MARCHF10: variants seen among roughly 807,000 people sequenced by gnomAD.
MARCHF10 encodes probable E3 ubiquitin-protein ligase MARCHF10.
A neutral mutation model predicts 76.2 loss-of-function variants in MARCHF10; 64 were observed. The observed-to-expected ratio is 0.84, with a 90% CI of 0.69 to 1.03. The LOEUF (loss-of-function observed/expected upper bound fraction) is 1.03, where lower values mean the gene tolerates loss of function less well. MARCHF10 is among the 50% of genes least tolerant of loss of function. The pLI is 0.00. For synonymous variants in MARCHF10, 340 were observed against 357.5 expected, an observed-to-expected ratio of 0.95 and a Z score of 0.55; for missense variants, 875 against 958.0, an observed-to-expected ratio of 0.91 and a Z score of 1.14.
intron 3 of MARCHF10, among the ~76,000 whole-genome samples, chr17:62,780,401 A>G (rs1279979034): frequency 6.6e-6 from 1 of 152,168 alleles, no homozygotes; most frequent in Non-Finnish European, 1.5e-5. Context: ...CTTATGAACA[A>G]AACAATTACA....
Position 62,788,617 on chromosome 17 carries a change from TA to T in MARCHF10, c.91-19del, listed in dbSNP as rs773081640. The T allele has an allele frequency of 3.1e-6, 5 of 1,613,480 alleles. No individual in the cohort carries two copies. Among genetic ancestry groups the T allele is most frequent in the Non-Finnish European group, 4.2e-6 (5 of 1,179,920 alleles). On this transcript the variant is annotated intron_variant, in intron 2 of 10. Coordinates refer to ENST00000311269, the MANE Select transcript of MARCHF10 (RefSeq NM_152598.4). ...AGACAAGCCTGAAGAACAACAACAA[TA>T]AAATGTTTGTCTTAGGACCATGGCA... is the stretch of plus-strand genomic sequence containing the variant.
chr17:62,747,431 C>T (rs2091745557), intron 4 of MARCHF10, among the ~76,000 whole-genome samples: 1 of 152,204 alleles, frequency 6.6e-6, no homozygotes, highest in African/African-American at 2.4e-5. Flanking sequence ...AGCTGAACAA[C>T]TGGAGATTGT....
chr17:62,737,151 G>T lies in MARCHF10; in HGVS notation c.717C>A (p.Phe239Leu), dbSNP rs2091307849. Reference sequence around the variant, plus strand: ...ATACTTGAGGACTATTTTTTCCTTGGAAGGCCTGGGACAGGGCTGGATGCA... The same window carrying T: ...ATACTTGAGGACTATTTTTTCCTTGTAAGGCCTGGGACAGGGCTGGATGCA... Reference protein sequence around the residue: ...SELHPALSQAFQGKNSPQVLS... With the variant: ...SELHPALSQALQGKNSPQVLS... The change falls in exon 6 of 11, where the codon TTC becomes TTA. Residue 239 changes from phenylalanine to leucine, a missense_variant. Coordinates refer to ENST00000311269, the MANE Select transcript of MARCHF10 (RefSeq NM_152598.4). The T allele has an allele frequency of 2.5e-6, 4 of 1,614,008 alleles. No individual in the cohort carries two copies. The East Asian group carries it at 6.7e-5, about 27-fold the overall frequency.
intron 4 of MARCHF10, among the ~76,000 whole-genome samples, chr17:62,754,161 CT>C (rs1310266717): frequency 8.5e-5 from 13 of 152,186 alleles, no homozygotes; most frequent in African/African-American, 2.9e-4. Flanking sequence ...CAACCTCCTC[CT>C]CCCGGGTTCA....
At position 62,724,977 on chromosome 17, in the gene MARCHF10, C is replaced by G; in HGVS notation, c.2065G>C (p.Glu689Gln). Residue 689 changes from glutamate to glutamine, a missense_variant, in exon 7 of 11, where the codon GAG (glutamate) becomes CAG (glutamine). Coordinates refer to ENST00000311269, the MANE Select transcript of MARCHF10 (RefSeq NM_152598.4). ...CVGSLQFVHQ[E>Q]CLKKWLKVKI... ...ACTTTCAGCCACTTTTTCAGGCACT[C>G]TTGATGAACAAACTGCAGGCTTCCC... 6.2e-7 allele frequency: 1 copy of G among 1,612,312 alleles called. No homozygotes were observed. The highest frequency in any genetic ancestry group is 8.5e-7 in the Non-Finnish European group (1 of 1,179,392).
intron 10 of MARCHF10, chr17:62,705,236 G>GA: frequency 7.5e-7 from 1 of 1,335,496 alleles, no homozygotes; most frequent in Non-Finnish European, 9.6e-7. Flanking sequence ...CTGGACGCTG[G>GA]AGAATCCCAG....
intron 2 of MARCHF10, among the ~76,000 whole-genome samples, chr17:62,801,281 C>T (rs1002760878): frequency 6.6e-6 from 1 of 152,078 alleles, no homozygotes; most frequent in Non-Finnish European, 1.5e-5. Context: ...GCCTCAGCCT[C>T]CCGAGTAGCT....
intron 8 of MARCHF10, among the ~76,000 whole-genome samples, chr17:62,721,901 T>G (rs2090506485): frequency 6.6e-6 from 1 of 152,162 alleles, no homozygotes; most frequent in East Asian, 1.9e-4. Flanking sequence ...GCCAGAATTT[T>G]TTGGTATTTT....
At chr17:62,756,310 G>C (rs1347219273) in intron 4 of MARCHF10, among the ~76,000 whole-genome samples, 1 of 152,116 alleles carries the variant, frequency 6.6e-6, no homozygotes, top group East Asian at 1.9e-4. Flanking sequence ...GCCAGGCATA[G>C]TGGCGTGTGC....
At position 62,736,742 on chromosome 17, in the gene MARCHF10, C is replaced by A; in HGVS notation, c.1126G>T (p.Asp376Tyr). The change falls in exon 6 of 11, where the codon GAC (aspartate) becomes TAC (tyrosine). Residue 376 changes from aspartate to tyrosine, a missense_variant. Transcript: ENST00000311269. ...GATTCCCTATCAGGCAGCCCGGGGT[C>A]TTGGGACAACCTTTGCCCAGCAGAA... Reference protein sequence around the residue: ...RPSAGQRLSQDPGLPDRESAT... With the variant: ...RPSAGQRLSQYPGLPDRESAT... 1 of 1,613,854 alleles carries A rather than the reference C, an allele frequency of 6.2e-7. No homozygotes were observed. Among genetic ancestry groups the A allele is most frequent in the Non-Finnish European group, 8.5e-7 (1 of 1,179,726 alleles).
rs966258829 is a variant in MARCHF10, at chr17:62,765,224, C to T, written c.211-5218G>A. 1.8e-4 allele frequency among the ~76,000 whole-genome samples: 27 copies of T among 151,970 alleles called. 1 individual carries two copies. The highest frequency in any genetic ancestry group is 1.5e-3 in the Admixed American group (23 of 15,262). On this transcript the variant is annotated intron_variant, in intron 3 of 10. Coordinates refer to ENST00000311269, the MANE Select transcript of MARCHF10 (RefSeq NM_152598.4). ...AAAATTAGCTGGGCGTAGTGGCATG[C>T]GCCTGTAATTCCAGCTACTCGGGAA... is the stretch of plus-strand genomic sequence containing the variant.
intron 3 of MARCHF10, among the ~76,000 whole-genome samples, 157 bp from the exon 4 acceptor site, chr17:62,760,163 T>C (rs1198958946): frequency 6.6e-6 from 1 of 151,834 alleles, no homozygotes; most frequent in Non-Finnish European, 1.5e-5. Context: ...GAGATTCAGA[T>C]GGACTGGGCA....
chr17:62,761,415 C>A (rs1034116823), intron 3 of MARCHF10, among the ~76,000 whole-genome samples: 1 of 151,986 alleles, frequency 6.6e-6, no homozygotes, highest in African/African-American at 2.4e-5. Context: ...TAGGTCATTT[C>A]TTTTTTCTTT....
At chr17:62,775,890 C>T (rs1355203559) in intron 3 of MARCHF10, among the ~76,000 whole-genome samples, 1 of 152,038 alleles carries the variant, frequency 6.6e-6, no homozygotes, top group Non-Finnish European at 1.5e-5. Flanking sequence ...GATCATAGCT[C>T]ACTGCAGCCT....
At position 62,722,575 on chromosome 17, in the gene MARCHF10, C is replaced by G. The variant is rs767244216; in HGVS notation, c.2127G>C (p.Lys709Asn). The stretch of plus-strand genomic sequence containing the variant: ...GGCCTTGCTTACACATCTCACAGGT[C>G]TTCACGGCACCAAGATCTGCTCCTT... ...ITSGADLGAV[K>N]TCEMCKQGLL... is the part of the protein sequence containing the mutation. The change falls in exon 8 of 11, where the codon AAG (lysine) becomes AAC (asparagine). Residue 709 changes from lysine (K) to asparagine (N), a missense_variant. Transcript: ENST00000311269. 21 of 1,613,562 alleles carry G rather than the reference C, an allele frequency of 1.3e-5. No individual in the cohort carries two copies. The highest frequency in any genetic ancestry group is 2.7e-5 in the African/African-American group (2 of 74,868).
rs764588556 is a variant in MARCHF10 at position 62,711,198 on chromosome 17, C to T, written c.2328+33G>A. The T allele has an allele frequency of 1.3e-6, 2 of 1,588,708 alleles. No individual in the cohort carries two copies. The highest frequency in any genetic ancestry group is 2.2e-5 in the South Asian group (2 of 90,500). ...AGCACTGCAGGGTTTTCAGGGCTGC[C>T]ACCGGACAGCTCTGGGTCACAGCCA... On this transcript the variant is annotated intron_variant, in intron 9 of 10. Transcript: ENST00000311269. The surrounding 1 kb of genome is among the most constrained non-coding windows in gnomAD (Gnocchi z 4.4).
chr17:62,722,277 CAAAA>C (rs57370093), intron 8 of MARCHF10, among the ~76,000 whole-genome samples: 9 of 78,932 alleles, frequency 1.1e-4, no homozygotes, highest in African/African-American at 3.2e-4. Flanking sequence ...GACTCTGTCT[CAAAA>C]AAAAAAAAAA....
At chr17:62,776,389 A>G (rs2092555643) in intron 3 of MARCHF10, among the ~76,000 whole-genome samples, 1 of 152,196 alleles carries the variant, frequency 6.6e-6, no homozygotes, top group African/African-American at 2.4e-5. Flanking sequence ...TGCAAGGACG[A>G]GGCTGTCTTG....
intron 2 of MARCHF10, among the ~76,000 whole-genome samples, chr17:62,801,203 G>A (rs150590088): frequency 3.9e-5 from 6 of 152,238 alleles, no homozygotes; most frequent in African/African-American, 1.4e-4. Flanking sequence ...GTGTTGCCCA[G>A]GCTAAAGTGC....
Sources: gnomAD v4.1 joint callset for allele counts (sites outside exome capture counted in the v4.1 genomes callset) on GRCh38, gnomAD v4.1.1 for gene constraint, Gnocchi (gnomAD v3.1) non-coding constraint, MANE v1.5 for transcripts, NCBI Gene and HGNC (gene_info 2026-07-23, HGNC 2026-07-21) for gene names.